The following AVPI1 variants were observed in gnomAD, a reference collection of about 807,000 sequenced individuals.
AVPI1 encodes the protein arginine vasopressin-induced protein 1.
Under a neutral mutation model 11.9 loss-of-function variants are expected in AVPI1, and 9 were observed. That is an observed-to-expected ratio of 0.76 (90% CI 0.46 to 1.32). AVPI1 has a LOEUF of 1.32. AVPI1 is among the 40% of genes most tolerant of loss of function. AVPI1 has a pLI of 0.00. For synonymous variants in AVPI1, 68 were observed against 78.1 expected (o/e 0.87, Z 0.68); for missense variants, 207 against 195.8 (o/e 1.06, Z -0.34).
At chr10:97,679,000 T>TG (rs2041686842) in intron 2 of AVPI1, among the ~76,000 whole-genome samples, 1 of 139,688 alleles carries the variant, frequency 7.2e-6, no homozygotes, top group Admixed American at 7.5e-5. Context: ...TGTGTGTGTG[T>TG]TTTCAGAGAC....
intron 1 of AVPI1, among the ~76,000 whole-genome samples, chr10:97,685,368 G>A (rs187587213): frequency 9.1e-4 from 139 of 152,270 alleles, no homozygotes; most frequent in Admixed American, 5.6e-3. Flanking sequence ...AATATGGCGC[G>A]CAATTGAGCA....
intron 2 of AVPI1, among the ~76,000 whole-genome samples, chr10:97,678,415 T>C (rs1366504607): frequency 1.3e-5 from 2 of 152,170 alleles, no homozygotes; most frequent in Admixed American, 1.3e-4. Context: ...GGTCTGATGT[T>C]CTGATTGTGG....
chr10:97,682,572 C>T (rs2041710145), intron 1 of AVPI1, among the ~76,000 whole-genome samples: 1 of 152,030 alleles, frequency 6.6e-6, no homozygotes, highest in South Asian at 2.1e-4. Flanking sequence ...TTTGAATTGT[C>T]TCCGCCCCAC....
chr10:97,684,553 A>G (rs2041720012), intron 1 of AVPI1, among the ~76,000 whole-genome samples: 1 of 137,530 alleles, frequency 7.3e-6, no homozygotes, highest in Admixed American at 8.1e-5. Context: ...GCTGGAGTGC[A>G]GTGGCGCAAT....
intron 1 of AVPI1, among the ~76,000 whole-genome samples, chr10:97,684,371 C>T (rs1466692107): frequency 2.0e-5 from 3 of 152,048 alleles, no homozygotes; most frequent in African/African-American, 4.8e-5. Flanking sequence ...ACAGCTTCAG[C>T]GAGCTGCGAG....
rs146044000 is a variant in AVPI1 at position 97,677,925 on chromosome 10, G to C, written c.388C>G (p.Arg130Gly). The C allele has an allele frequency of 1.6e-5, 26 of 1,613,998 alleles. No homozygotes were observed. The highest frequency in any genetic ancestry group is 2.0e-5 in the Non-Finnish European group (24 of 1,180,034). Residue 130 changes from arginine (R) to glycine (G), a missense_variant, in exon 3 of 3, where the codon CGC (arginine) becomes GGC (glycine). By Grantham distance (125) the Arg-to-Gly change is moderately radical. Coordinates refer to ENST00000370626, the MANE Select transcript of AVPI1 (RefSeq NM_021732.3). ...GGGCCTGACTTCCTCCAGTTCCGGCGGATCCTGGCACTTTTCTTCCTAGAG... is the reference window on the plus strand; with the variant it reads ...GGGCCTGACTTCCTCCAGTTCCGGCCGATCCTGGCACTTTTCTTCCTAGAG... ...LHSRKKSARI[R>G]RNWRKSGPTS...
In AVPI1 at chr10:97,679,926, A is replaced by G; in HGVS notation, c.-10-11T>C. The G allele has an allele frequency of 5.8e-6, 9 of 1,540,268 alleles. No individual in the cohort carries two copies. Among genetic ancestry groups the G allele is most frequent in the Non-Finnish European group, 7.8e-6 (9 of 1,147,266 alleles). ...CCCATTGTGGATGCTCTGAGGATGC[A>G]AAGCATGGAGACATCATCAACTCAG... On this transcript the variant is annotated splice_polypyrimidine_tract_variant and intron_variant, in intron 1 of 2. Transcript: ENST00000370626.
At chr10:97,682,202 AC>A (rs1287490794) in intron 1 of AVPI1, among the ~76,000 whole-genome samples, 1 of 151,944 alleles carries the variant, frequency 6.6e-6, no homozygotes, top group Non-Finnish European at 1.5e-5. Flanking sequence ...GTACAGGTAA[AC>A]CCTCCTCTTT....
chr10:97,678,685 A>G (rs9325487), intron 2 of AVPI1, among the ~76,000 whole-genome samples: 466 of 32,086 alleles, frequency 0.015, 2 homozygotes, highest in Non-Finnish European at 0.023. Flanking sequence ...AATTAGGCTT[A>G]AAAAAAAAAA....
Position 97,686,868 on chromosome 10 carries a change from T to TCTGGGCTTCCTG in AVPI1, c.-114_-113insCAGGAAGCCCAG, listed in dbSNP as rs6144043. 151,261 of 152,466 alleles carry TCTGGGCTTCCTG rather than the reference T, an allele frequency of 0.99. 75,051 individuals carry two copies. The highest frequency in any genetic ancestry group is 1 in the Middle Eastern group (296 of 296). The allele number at this position is 152,466 out of a possible 1,614,324, so 9.4% of individuals were successfully genotyped here. A position where few individuals can be genotyped will look rare whatever the true frequency, so the allele number is the denominator to read the frequency against. The stretch of plus-strand genomic sequence containing the variant: ...AGCCTTCAGAAAGGGCAGGCGCAGC[T>TCTGGGCTTCCTG]CTGCGAAGGTGCTTACAAGGGCCAG... On this transcript the variant is annotated 5_prime_UTR_variant, in exon 1 of 3. Coordinates refer to ENST00000370626, the MANE Select transcript of AVPI1 (RefSeq NM_021732.3).
rs1022853537 is a variant in AVPI1, at chr10:97,679,805, G to T, written c.101C>A (p.Ala34Asp). The T allele has an allele frequency of 6.2e-7, 1 of 1,613,460 alleles. No homozygotes were observed. The highest frequency in any genetic ancestry group is 2.2e-5 in the East Asian group (1 of 44,876). ...KQASANIFQD[A>D]ELLQIQALFQ... ...CAGGGCTTGGATCTGCAGCAGCTCG[G>T]CGTCCTGGAAGATGTTGGCCGAGGC... The change falls in exon 2 of 3, where the codon GCC becomes GAC. Residue 34 changes from alanine to aspartate, a missense_variant. By Grantham distance (126) the Ala-to-Asp change is moderately radical. Transcript: ENST00000370626.
intron 2 of AVPI1, 136 bp from the exon 3 acceptor site, chr10:97,678,161 C>T (rs2041676796): frequency 7.2e-6 from 7 of 969,880 alleles, no homozygotes; most frequent in Admixed American, 2.7e-5. Context: ...CTGGTCTTTC[C>T]CCCTCTGAGA....
chr10:97,686,198 G>T (rs1276782487), intron 1 of AVPI1, among the ~76,000 whole-genome samples: 2 of 152,162 alleles, frequency 1.3e-5, no homozygotes, highest in African/African-American at 4.8e-5. Flanking sequence ...GTTTGTGACG[G>T]CATTCCTTCT....
chr10:97,680,329 A>G (rs2041697743), intron 1 of AVPI1, among the ~76,000 whole-genome samples: 2 of 152,184 alleles, frequency 1.3e-5, no homozygotes. Context: ...CTTGCTTCAC[A>G]TAGTATCAAT....
chr10:97,683,118 G>A (rs1479234371), intron 1 of AVPI1, among the ~76,000 whole-genome samples: 1 of 152,168 alleles, frequency 6.6e-6, no homozygotes, highest in Non-Finnish European at 1.5e-5. Context: ...TGGCTTAGCC[G>A]AGGCCAGAGG....
chr10:97,681,894 GAAAA>G (rs555725587), intron 1 of AVPI1, among the ~76,000 whole-genome samples: 2 of 106,260 alleles, frequency 1.9e-5, no homozygotes, highest in Admixed American at 1.1e-4. Context: ...CAAAAAAAAA[GAAAA>G]AAAAAAAAAA....
chr10:97,686,002 G>T (rs1046829039), intron 1 of AVPI1, among the ~76,000 whole-genome samples: 2 of 152,144 alleles, frequency 1.3e-5, no homozygotes, highest in Non-Finnish European at 2.9e-5. Context: ...ATAGTATAAG[G>T]CCAGGCCTGG....
intron 1 of AVPI1, among the ~76,000 whole-genome samples, chr10:97,685,846 C>T (rs1172189894): frequency 1.3e-5 from 2 of 152,096 alleles, no homozygotes; most frequent in Non-Finnish European, 2.9e-5. Context: ...CAGACCAGTT[C>T]TCATATATGA....
In AVPI1 at chr10:97,679,843, C is replaced by A; in HGVS notation, c.63G>T (p.Arg21=). Residue 21 remains arginine, a synonymous_variant, in exon 2 of 3, where the codon CGG becomes CGT. Coordinates refer to ENST00000370626, the MANE Select transcript of AVPI1 (RefSeq NM_021732.3). ...PPPWQAPIEA[R]GRKQASANIF... ...TGTTGGCCGAGGCCTGCTTGCGGCC[C>A]CGGGCCTCAATCGGGGCCTGCCAAG... 1 of 1,607,552 alleles carries A rather than the reference C, an allele frequency of 6.2e-7. No homozygotes were observed. Among genetic ancestry groups the A allele is most frequent in the Middle Eastern group, 1.7e-4 (1 of 6,058 alleles).
Sources: allele counts gnomAD v4.1 joint callset (sites outside exome capture counted in the v4.1 genomes callset), GRCh38; gene constraint gnomAD v4.1.1; transcripts MANE v1.5; gene names NCBI Gene and HGNC (gene_info 2026-07-23, HGNC 2026-07-21).